The following FARS2 variants were observed in gnomAD, a reference collection of about 807,000 sequenced individuals.
FARS2 encodes the protein phenylalanine--tRNA ligase, mitochondrial.
A neutral mutation model predicts 46.4 loss-of-function variants in FARS2; 40 were observed. That is an observed-to-expected ratio of 0.86 (90% CI 0.67 to 1.12). The LOEUF is 1.12. Ranked by LOEUF, FARS2 falls within the 50% of genes most tolerant of loss-of-function variation. The pLI, the probability that FARS2 is intolerant of heterozygous loss-of-function variation, is 0.00. For synonymous variants in FARS2, 234 were observed against 214.9 expected, an observed-to-expected ratio of 1.09 and a Z score of -0.78; for missense variants, 513 against 567.9, an observed-to-expected ratio of 0.90 and a Z score of 0.98.
intron 5 of FARS2, among the ~76,000 whole-genome samples, chr6:5,565,095 C>T (rs1772247261): frequency 1.3e-5 from 2 of 152,180 alleles, no homozygotes; most frequent in South Asian, 4.1e-4. Flanking sequence ...GTTAAGAGTA[C>T]TCACAGATAG....
At chr6:5,281,090 G>A (rs1380972752) in intron 1 of FARS2, among the ~76,000 whole-genome samples, 1 of 152,182 alleles carries the variant, frequency 6.6e-6, no homozygotes, top group African/African-American at 2.4e-5. Context: ...CCTTTGTAGG[G>A]CTAACCGTTG....
rs143062265 is a variant in FARS2 at position 5,691,026 on chromosome 6, C to T, written c.1217+77706C>T. ...GCTTGTGCATTCATCACATAGTTCT[C>T]GTGCCGTGGTTTTCAGGTCCTTTAA... On this transcript the variant is annotated intron_variant, in intron 6 of 6. Coordinates refer to ENST00000274680, the MANE Select transcript of FARS2 (RefSeq NM_006567.5). Among the ~76,000 whole-genome samples the T allele has an allele frequency of 5.6e-4, 85 of 152,266 alleles. No individual in the cohort carries two copies. The East Asian group carries it at 0.011, about 20-fold the overall frequency.
At chr6:5,295,021 C>T (rs576444879) in intron 1 of FARS2, among the ~76,000 whole-genome samples, 8 of 152,272 alleles carry the variant, frequency 5.3e-5, no homozygotes, top group East Asian at 1.9e-4. Context: ...GCCTAACACA[C>T]CCACAATAAG....
chr6:5,690,666 A>C (rs1169023521), intron 6 of FARS2, among the ~76,000 whole-genome samples: 1 of 151,980 alleles, frequency 6.6e-6, no homozygotes, highest in Non-Finnish European at 1.5e-5. Flanking sequence ...GAATCTGACA[A>C]TTACGTGTCT....
chr6:5,494,416 A>G (rs1360895939), intron 4 of FARS2, among the ~76,000 whole-genome samples: 1 of 152,152 alleles, frequency 6.6e-6, no homozygotes, highest in South Asian at 2.1e-4. Flanking sequence ...GCGGCTTCAC[A>G]CTGCCTCGCT....
chr6:5,435,528 T>C (rs947281704), intron 4 of FARS2, among the ~76,000 whole-genome samples: 7 of 152,238 alleles, frequency 4.6e-5, no homozygotes, highest in Admixed American at 3.9e-4. Context: ...CGTTGATTTC[T>C]GGATCCTTAG....
intron 6 of FARS2, among the ~76,000 whole-genome samples, chr6:5,748,173 C>T (rs1200532101): frequency 6.6e-6 from 1 of 152,166 alleles, no homozygotes; most frequent in Non-Finnish European, 1.5e-5. Flanking sequence ...GCTGTGGGAG[C>T]AGGAATCTGC....
At chr6:5,400,905 T>C (rs985628222) in intron 2 of FARS2, among the ~76,000 whole-genome samples, 2 of 152,066 alleles carry the variant, frequency 1.3e-5, no homozygotes, top group Non-Finnish European at 2.9e-5. Flanking sequence ...TTTGAAACTT[T>C]TAGCATTAAT....
At position 5,516,182 on chromosome 6, in the gene FARS2, C is replaced by T. The variant is rs371515945; in HGVS notation, c.905-28998C>T. On this transcript the variant is annotated intron_variant, in intron 4 of 6. Coordinates refer to ENST00000274680, the MANE Select transcript of FARS2 (RefSeq NM_006567.5). The stretch of plus-strand genomic sequence containing the variant: ...GGGTCAGGGAACAGAAGCATGGAAT[C>T]GTCACACCAGCTCTTGAATGTCTCT... 3.3e-5 allele frequency among the ~76,000 whole-genome samples: 5 copies of T among 152,316 alleles called. No individual in the cohort carries two copies. In the East Asian group the frequency reaches 7.7e-4, roughly 24 times the overall value.
At chr6:5,288,737 C>T (rs1449275975) in intron 1 of FARS2, among the ~76,000 whole-genome samples, 4 of 152,132 alleles carry the variant, frequency 2.6e-5, no homozygotes, top group African/African-American at 9.7e-5. Flanking sequence ...CAAGAAAATG[C>T]TCTTAAAAGA....
rs568989708 is a variant in FARS2 at position 5,275,255 on chromosome 6, T to C, written c.-22+13595T>C. 1.3e-3 allele frequency among the ~76,000 whole-genome samples: 193 copies of C among 152,306 alleles called. 1 individual carries two copies. Among genetic ancestry groups the C allele is most frequent in the African/African-American group, 4.3e-3 (180 of 41,576 alleles). ...GGGTCCTTCTCTTGAATAATCAATA[T>C]TTTCTTATACTCTTCACTCCAGTCA... On this transcript the variant is annotated intron_variant, in intron 1 of 6. Transcript: ENST00000274680.
chr6:5,618,157 CA>C (rs929114079), intron 6 of FARS2, among the ~76,000 whole-genome samples: 40 of 152,150 alleles, frequency 2.6e-4, no homozygotes, highest in African/African-American at 9.4e-4. Context: ...GAATTTGGCC[CA>C]TGGGCTGTAG....
rs1208888389 is a variant in FARS2 at position 5,585,904 on chromosome 6, A to G, written c.1066-27265A>G. ...GATCTCTCTTCTAAATACTGATTTC[A>G]TTTTCTTTGAATATATGCCTAGAAA... On this transcript the variant is annotated intron_variant, in intron 5 of 6. Coordinates refer to ENST00000274680, the MANE Select transcript of FARS2 (RefSeq NM_006567.5). Among the ~76,000 whole-genome samples the G allele has an allele frequency of 2.0e-5, 3 of 152,196 alleles. No individual in the cohort carries two copies. In the East Asian group the frequency reaches 5.8e-4, roughly 29 times the overall value.
chr6:5,405,455 A>AGGACGT (rs1255024286), intron 3 of FARS2, among the ~76,000 whole-genome samples: 9 of 143,514 alleles, frequency 6.3e-5, no homozygotes, highest in African/African-American at 2.3e-4. Flanking sequence ...TCATTACATG[A>AGGACGT]GGACGTGATC....
intron 4 of FARS2, among the ~76,000 whole-genome samples, chr6:5,494,826 A>G (rs899581867): frequency 3.9e-5 from 6 of 152,202 alleles, no homozygotes; most frequent in African/African-American, 1.4e-4. Context: ...CCCTAGAGCT[A>G]GTTCAAGGTG....
intron 6 of FARS2, among the ~76,000 whole-genome samples, chr6:5,706,802 A>T (rs9405863): frequency 0.38 from 57,400 of 152,036 alleles, 11,526 homozygotes; most frequent in East Asian, 0.81. Flanking sequence ...AGATTTGCCA[A>T]ATATTGCTGA....
chr6:5,523,757 A>G (rs908608876), intron 4 of FARS2, among the ~76,000 whole-genome samples: 2 of 152,150 alleles, frequency 1.3e-5, no homozygotes, highest in African/African-American at 4.8e-5. Context: ...TCTCAGCTGC[A>G]CTGCTATAGC....
At chr6:5,381,163 G>T (rs1462590714) in intron 2 of FARS2, among the ~76,000 whole-genome samples, 1 of 151,660 alleles carries the variant, frequency 6.6e-6, no homozygotes, top group African/African-American at 2.4e-5. Flanking sequence ...ACCACACCCG[G>T]CTAATTTTTT....
In FARS2 at chr6:5,562,712, A is replaced by C. The variant is rs529974542; in HGVS notation, c.1065+17372A>C. ...GTAATTTATACACACACACACACAC[A>C]CACACACACACACACAGTGTTTTTC... On this transcript the variant is annotated intron_variant, in intron 5 of 6. Coordinates refer to ENST00000274680, the MANE Select transcript of FARS2 (RefSeq NM_006567.5). Among the ~76,000 whole-genome samples, 110 of 152,100 alleles carry C rather than the reference A, an allele frequency of 7.2e-4. 1 individual carries two copies. Among genetic ancestry groups the C allele is most frequent in the Middle Eastern group, 3.4e-3 (1 of 294 alleles).
Sources: allele counts gnomAD v4.1 joint callset (sites outside exome capture counted in the v4.1 genomes callset), GRCh38; gene constraint gnomAD v4.1.1; transcripts MANE v1.5; gene names NCBI Gene and HGNC (gene_info 2026-07-23, HGNC 2026-07-21).